Variants in LAMA2 observed in about 807,000 individuals in gnomAD.
LAMA2 encodes laminin subunit alpha-2.
In LAMA2, 269 loss-of-function variants were observed where a neutral mutation model predicts 364.8. That is an observed-to-expected ratio of 0.74 (90% CI 0.67 to 0.82). The LOEUF (loss-of-function observed/expected upper bound fraction) is 0.82. Among genes scored for constraint, LAMA2 ranks in the 40% least tolerant of loss-of-function variants. The pLI, the probability that LAMA2 is intolerant of heterozygous loss-of-function variation, is 0.00. For missense variants in LAMA2, 3,807 were observed against 3,873.2 expected (o/e 0.98, Z 0.45); for synonymous variants, 1,379 against 1,370.6 (o/e 1.01, Z -0.14).
chr6:128,949,328 C>A (rs1044690135), intron 1 of LAMA2, among the ~76,000 whole-genome samples: 1 of 152,130 alleles, frequency 6.6e-6, no homozygotes, highest in African/African-American at 2.4e-5. Context: ...CCACCCACCC[C>A]ACCCTGCCCC....
intron 28 of LAMA2, among the ~76,000 whole-genome samples, chr6:129,323,390 G>T (rs1775081876): frequency 6.6e-6 from 1 of 152,136 alleles, no homozygotes; most frequent in Non-Finnish European, 1.5e-5. Context: ...ACAAAATTAA[G>T]TATCAGTTAC....
chr6:129,027,137 C>T (rs1044465866), intron 1 of LAMA2, among the ~76,000 whole-genome samples: 2 of 152,020 alleles, frequency 1.3e-5, no homozygotes, highest in Admixed American at 6.6e-5. Context: ...ACAGAGGCCT[C>T]ACCTTATTAT....
At chr6:129,164,159 A>AT (rs1779602010) in intron 8 of LAMA2, among the ~76,000 whole-genome samples, 1 of 152,082 alleles carries the variant, frequency 6.6e-6, no homozygotes, top group Admixed American at 6.6e-5. Context: ...CCAAACCTAT[A>AT]TATACTATGT....
chr6:129,108,983 G>GT (rs1231617581), intron 4 of LAMA2, among the ~76,000 whole-genome samples: 1 of 152,062 alleles, frequency 6.6e-6, no homozygotes. Context: ...TTTAGAAAAT[G>GT]TTTTTAAATA....
At chr6:129,167,763 T>C (rs538661746) in intron 9 of LAMA2, among the ~76,000 whole-genome samples, 176 of 152,114 alleles carry the variant, frequency 1.2e-3, no homozygotes, top group African/African-American at 4.0e-3. Flanking sequence ...GTTGAACTAG[T>C]TTACAGTCCC....
At chr6:129,112,225 A>G (rs1776200204) in intron 4 of LAMA2, among the ~76,000 whole-genome samples, 1 of 152,052 alleles carries the variant, frequency 6.6e-6, no homozygotes, top group Non-Finnish European at 1.5e-5. Context: ...ATTGCTTTTT[A>G]AAGAAAAAAT....
chr6:129,445,944 C>G (rs1046778570), intron 45 of LAMA2, 123 bp downstream of exon 45: 6 of 935,360 alleles, frequency 6.4e-6, no homozygotes, highest in Non-Finnish European at 1.0e-5. Context: ...TAACTCGAAG[C>G]GATTTGGGGT....
intron 28 of LAMA2, among the ~76,000 whole-genome samples, chr6:129,326,270 C>G (rs373167820): frequency 6.6e-6 from 1 of 152,148 alleles, no homozygotes; most frequent in Non-Finnish European, 1.5e-5. Context: ...AACTCTCCCC[C>G]AGAGGAATTG....
Position 128,962,579 on chromosome 6 carries a change from G to T in LAMA2, c.112+79222G>T, listed in dbSNP as rs192113869. 4.9e-4 allele frequency among the ~76,000 whole-genome samples: 74 copies of T among 152,194 alleles called. 1 individual carries two copies. In the East Asian group the frequency reaches 0.012, roughly 25 times the overall value. On this transcript the variant is annotated intron_variant, in intron 1 of 64. Coordinates refer to ENST00000421865, the MANE Select transcript of LAMA2 (RefSeq NM_000426.4). ...TAATACATTCAGAGTGTTATTAGAAGTTAGGTAGTACCTTTTAATTGTTAA... is the reference window on the plus strand; with the variant it reads ...TAATACATTCAGAGTGTTATTAGAATTTAGGTAGTACCTTTTAATTGTTAA...
chr6:129,403,675 A>G, intron 39 of LAMA2, 146 bp from the exon 40 acceptor site: 1 of 749,020 alleles, frequency 1.3e-6, no homozygotes, highest in Non-Finnish European at 2.3e-6. Flanking sequence ...AGGACAATAT[A>G]ATAAGTAGAT....
intron 1 of LAMA2, among the ~76,000 whole-genome samples, chr6:128,884,196 T>C (rs1026533889): frequency 6.6e-6 from 1 of 152,160 alleles, no homozygotes; most frequent in Non-Finnish European, 1.5e-5. Flanking sequence ...TGGGGAGTCT[T>C]TGAAGAGTTA....
At chr6:129,313,896 G>T (rs142756443) in intron 23 of LAMA2, among the ~76,000 whole-genome samples, 1 of 152,050 alleles carries the variant, frequency 6.6e-6, no homozygotes, top group Non-Finnish European at 1.5e-5. Flanking sequence ...CTTATATCTC[G>T]CAATTATGAT....
chr6:129,051,747 A>C (rs1246011034), intron 2 of LAMA2, among the ~76,000 whole-genome samples: 1 of 147,166 alleles, frequency 6.8e-6, no homozygotes, highest in Non-Finnish European at 1.5e-5. Context: ...CCAGAAAGTA[A>C]ATGAATTGAT....
chr6:129,320,132 C>CAAAT (rs55860505), intron 27 of LAMA2, among the ~76,000 whole-genome samples: 50,067 of 146,886 alleles, frequency 0.34, 9,775 homozygotes, highest in Non-Finnish European at 0.44. Flanking sequence ...GACTCTGTCT[C>CAAAT]AAATAAATAA....
At chr6:129,235,182 C>T (rs1318281262) in intron 12 of LAMA2, among the ~76,000 whole-genome samples, 5 of 152,112 alleles carry the variant, frequency 3.3e-5, no homozygotes, top group Non-Finnish European at 7.4e-5. Flanking sequence ...ACCAACTGAA[C>T]TGGTACAAAA....
chr6:129,130,492 C>A (rs1448165075), intron 4 of LAMA2, among the ~76,000 whole-genome samples: 3 of 152,200 alleles, frequency 2.0e-5, no homozygotes, highest in Non-Finnish European at 4.4e-5. Context: ...TCTTAATGAG[C>A]CTGTGTCTTT....
chr6:129,393,946 C>G (rs879906447), intron 37 of LAMA2, among the ~76,000 whole-genome samples: 1 of 152,206 alleles, frequency 6.6e-6, no homozygotes, highest in Non-Finnish European at 1.5e-5. Context: ...CTTTTCCACA[C>G]AGATAACAGT....
intron 12 of LAMA2, among the ~76,000 whole-genome samples, chr6:129,241,954 CA>C (rs916900656): frequency 5.3e-5 from 8 of 152,130 alleles, no homozygotes; most frequent in African/African-American, 1.7e-4. Flanking sequence ...GGCATCACAT[CA>C]AAATAGTATT....
chr6:129,251,068 C>CTA (rs1786181489), intron 13 of LAMA2, among the ~76,000 whole-genome samples: 3 of 68,508 alleles, frequency 4.4e-5, no homozygotes, highest in African/African-American at 9.4e-5. Context: ...CTCTCTCTCT[C>CTA]TCTCTCTCTA....
Sources: gnomAD v4.1 joint callset for allele counts (sites outside exome capture counted in the v4.1 genomes callset) on GRCh38, gnomAD v4.1.1 for gene constraint, MANE v1.5 for transcripts, NCBI Gene and HGNC (gene_info 2026-07-23, HGNC 2026-07-21) for gene names.